The following MAPDA variants were observed in gnomAD, a reference collection of about 807,000 sequenced individuals.
MAPDA encodes N6-Methyl-AMP deaminase, also known as N6,N6-dimethyl-AMP deaminase.
the MAPDA span, chr15:43,345,840 T>G: frequency 1.2e-6 from 2 of 1,614,030 alleles, no homozygotes; most frequent in African/African-American, 1.3e-5. Flanking sequence ...AACTCTGTCT[T>G]TCTTACATTA....
At chr15:43,351,129 C>A in the MAPDA span, 1 of 1,294,020 alleles carries the variant, frequency 7.7e-7, no homozygotes, top group Non-Finnish European at 1.1e-6. Flanking sequence ...GACTGCCTTG[C>A]ATGCCTGAGG....
chr15:43,341,592 G>A, the MAPDA span, among the ~76,000 whole-genome samples: 25 of 151,854 alleles, frequency 1.6e-4, no homozygotes, highest in East Asian at 3.9e-4. Context: ...TAATTCCAGC[G>A]CTTTGGGAGG....
chr15:43,335,235 T>C, the MAPDA span: 1 of 1,554,416 alleles, frequency 6.4e-7, no homozygotes, highest in African/African-American at 1.4e-5. Context: ...GTTGCTTCTT[T>C]TCATCAAAGT....
the MAPDA span, among the ~76,000 whole-genome samples, chr15:43,341,608 G>A: frequency 1.3e-5 from 2 of 151,918 alleles, no homozygotes; most frequent in African/African-American, 4.8e-5. Flanking sequence ...GGAGGCTGAG[G>A]CAGGAGGATC....
At chr15:43,346,292 A>G in the MAPDA span, among the ~76,000 whole-genome samples, 9 of 152,196 alleles carry the variant, frequency 5.9e-5, no homozygotes, top group Non-Finnish European at 1.3e-4. Flanking sequence ...CATTACATAC[A>G]ATGGATGGAT....
chr15:43,340,260 A>G, the MAPDA span: 1 of 1,613,130 alleles, frequency 6.2e-7, no homozygotes, highest in South Asian at 1.1e-5. Flanking sequence ...TATCTTTATT[A>G]TCAGGTCACA....
At chr15:43,340,413 A>G in the MAPDA span, 2 of 1,410,626 alleles carry the variant, frequency 1.4e-6, no homozygotes, top group Non-Finnish European at 2.0e-6. Flanking sequence ...GATCACTCAC[A>G]TGTTTGTGAG....
At chr15:43,330,576 A>G in the MAPDA span, 10 of 1,418,356 alleles carry the variant, frequency 7.1e-6, no homozygotes, top group African/African-American at 8.8e-5. Flanking sequence ...CGGTAGGGGG[A>G]AAAAAACCAC....
the MAPDA span, chr15:43,351,627 A>G: frequency 1.2e-6 from 1 of 837,642 alleles, no homozygotes; most frequent in Non-Finnish European, 1.8e-6. Flanking sequence ...ATAAATTTGT[A>G]GGCCCTTGTT....
chr15:43,338,230 A>G, the MAPDA span, among the ~76,000 whole-genome samples: 16 of 152,344 alleles, frequency 1.1e-4, no homozygotes, highest in South Asian at 4.1e-4. Context: ...GAGGGTGACA[A>G]TGGGGTGCCC....
chr15:43,345,814 T>C, the MAPDA span: 2 of 1,612,290 alleles, frequency 1.2e-6, no homozygotes, highest in Admixed American at 3.3e-5. Flanking sequence ...TTTTCATCTG[T>C]GTCATATTAG....
At chr15:43,347,041 A>T in the MAPDA span, 2 of 1,613,756 alleles carry the variant, frequency 1.2e-6, no homozygotes, top group Non-Finnish European at 1.7e-6. Context: ...GACTTCTTGG[A>T]ACCTCTTTTA....
At chr15:43,345,126 G>A in the MAPDA span, among the ~76,000 whole-genome samples, 20 of 152,082 alleles carry the variant, frequency 1.3e-4, no homozygotes, top group African/African-American at 4.3e-4. Context: ...AGGCTGAGGC[G>A]GGCGGATCAT....
chr15:43,350,927 C>T, the MAPDA span: 1 of 1,544,154 alleles, frequency 6.5e-7, no homozygotes, highest in Non-Finnish European at 8.8e-7. Context: ...GGTTTTTTTC[C>T]CCTTTTCATC....
chr15:43,342,519 C>T, the MAPDA span, among the ~76,000 whole-genome samples: 1 of 150,902 alleles, frequency 6.6e-6, no homozygotes, highest in African/African-American at 2.4e-5. Context: ...GAGGCCAAGG[C>T]GGGCGTGTCA....
the MAPDA span, chr15:43,335,007 A>G: frequency 1.7e-6 from 2 of 1,186,026 alleles, no homozygotes; most frequent in Middle Eastern, 2.4e-4. Flanking sequence ...AAGTAAAGCA[A>G]TCTGAAGGAA....
the MAPDA span, chr15:43,346,963 C>G: frequency 5.8e-6 from 8 of 1,389,448 alleles, no homozygotes; most frequent in African/African-American, 1.1e-4. Flanking sequence ...GTACTCAGTT[C>G]CTCAGTTTTC....
chr15:43,331,614 A>G, the MAPDA span, among the ~76,000 whole-genome samples: 97 of 152,352 alleles, frequency 6.4e-4, no homozygotes, highest in African/African-American at 2.2e-3. Flanking sequence ...TTTCTTGTGG[A>G]ACAAAATGAA....
At chr15:43,340,021 A>G in the MAPDA span, among the ~76,000 whole-genome samples, 1 of 152,240 alleles carries the variant, frequency 6.6e-6, no homozygotes, top group Non-Finnish European at 1.5e-5. Context: ...CAAAGGGTGT[A>G]GCTGATGTGC....
Sources: allele counts gnomAD v4.1 joint callset (sites outside exome capture counted in the v4.1 genomes callset), GRCh38; gene constraint gnomAD v4.1.1; transcripts MANE v1.5; gene names NCBI Gene and HGNC (gene_info 2026-07-23, HGNC 2026-07-21).